The following PGAP4 variants were observed in gnomAD, a reference collection of about 807,000 sequenced individuals.
The protein encoded by PGAP4 is post-GPI attachment to proteins GalNAc transferase 4.
Under a neutral mutation model 28.2 loss-of-function variants are expected in PGAP4, and 12 were observed. The observed-to-expected ratio is 0.42, with a 90% CI of 0.27 to 0.69. PGAP4 has a LOEUF of 0.69. PGAP4 is among the 30% of genes least tolerant of loss of function. The pLI is 0.22. For missense variants in PGAP4, 425 were observed against 513.5 expected (o/e 0.83, Z 1.67); for synonymous variants, 205 against 211.8 (o/e 0.97, Z 0.28).
intron 1 of PGAP4, 125 bp from the exon 2 acceptor site, chr9:101,477,294 C>T (rs933281404): frequency 1.3e-5 from 8 of 600,438 alleles, no homozygotes; most frequent in African/African-American, 3.8e-5. Context: ...TAATAGGAGG[C>T]TCTGTAGCTT....
At chr9:101,502,773 A>G (rs1466412584) in intron 2 of PGAP4, among the ~76,000 whole-genome samples, 1 of 152,098 alleles carries the variant, frequency 6.6e-6, no homozygotes, top group African/African-American at 2.4e-5. Flanking sequence ...CCAGAAGAAC[A>G]TGAATCCTGG....
intron 2 of PGAP4, among the ~76,000 whole-genome samples, chr9:101,507,150 C>G (rs1826854995): frequency 6.6e-6 from 1 of 152,048 alleles, no homozygotes; most frequent in African/African-American, 2.4e-5. Context: ...CTATTCCTCT[C>G]AAGTGCTTGA....
intron 2 of PGAP4, among the ~76,000 whole-genome samples, chr9:101,518,515 G>A (rs924498810): frequency 6.6e-6 from 1 of 152,084 alleles, no homozygotes; most frequent in African/African-American, 2.4e-5. Flanking sequence ...ACATATCAGT[G>A]AGAATGTTCT....
At chr9:101,493,033 T>C (rs1588203775) in intron 2 of PGAP4, among the ~76,000 whole-genome samples, 1 of 151,894 alleles carries the variant, frequency 6.6e-6, no homozygotes, top group Non-Finnish European at 1.5e-5. Flanking sequence ...GGCGGGCGGA[T>C]CACGAGATCA....
At chr9:101,498,992 A>C (rs1027796129) in intron 2 of PGAP4, among the ~76,000 whole-genome samples, 1 of 152,004 alleles carries the variant, frequency 6.6e-6, no homozygotes, top group Non-Finnish European at 1.5e-5. Flanking sequence ...AGGTGTGCAG[A>C]TCAAATGAAA....
intron 2 of PGAP4, among the ~76,000 whole-genome samples, chr9:101,503,542 T>C (rs1198726793): frequency 6.6e-6 from 1 of 152,114 alleles, no homozygotes; most frequent in Non-Finnish European, 1.5e-5. Context: ...ATTATTGTTA[T>C]GCATAGATAA....
In PGAP4 at chr9:101,476,137, A is replaced by G. The variant is rs769913773; in HGVS notation, c.956T>C (p.Leu319Pro). Reference protein sequence around the residue: ...GRHYFLELRRLSPSLYSVVPA... With the variant: ...GRHYFLELRRPSPSLYSVVPA... ...AACCACACTGTACAGGGAAGGACTC[A>G]GCCGCCGCAGTTCCAGGAAATAGTG... Residue 319 changes from leucine to proline, a missense_variant, in exon 2 of 2, where the codon CTG (leucine) becomes CCG (proline). Transcript: ENST00000374848. The surrounding 1 kb of genome is among the most constrained non-coding windows in gnomAD (Gnocchi z 7.0). 6.2e-7 allele frequency: 1 copy of G among 1,614,092 alleles called. No homozygotes were observed.
intron 2 of PGAP4, among the ~76,000 whole-genome samples, chr9:101,509,190 C>A (rs1008317972): frequency 1.3e-5 from 2 of 152,124 alleles, no homozygotes; most frequent in African/African-American, 4.8e-5. Flanking sequence ...CTTTTGAAAG[C>A]TGAGATAGGT....
rs370517223 is a variant in PGAP4, at chr9:101,484,115, C to T, written c.-78+2834G>A. 8.5e-5 allele frequency among the ~76,000 whole-genome samples: 13 copies of T among 152,128 alleles called. No homozygotes were observed. The East Asian group carries it at 1.9e-3, about 23-fold the overall frequency. On this transcript the variant is annotated intron_variant, in intron 1 of 1. Transcript: ENST00000374848. ...ATCCTACTTCTAGGAATCTACTCTG[C>T]AGAAATGCCAACACATGCTACCAAA...
intron 2 of PGAP4, among the ~76,000 whole-genome samples, chr9:101,504,305 C>G (rs2118597792): frequency 7.1e-6 from 1 of 141,144 alleles, no homozygotes; most frequent in Non-Finnish European, 1.5e-5. Context: ...ACAAAAAAAC[C>G]ACTGTTCTGT....
chr9:101,484,125 A>C (rs2118548507), intron 1 of PGAP4, among the ~76,000 whole-genome samples: 1 of 152,316 alleles, frequency 6.6e-6, no homozygotes. Flanking sequence ...CAGAAATGCC[A>C]ACACATGCTA....
At chr9:101,494,633 T>C (rs1423875580) in intron 2 of PGAP4, among the ~76,000 whole-genome samples, 1 of 151,838 alleles carries the variant, frequency 6.6e-6, no homozygotes, top group Non-Finnish European at 1.5e-5. Context: ...ATTTAAAACT[T>C]ATCAGAAATC....
In PGAP4 at chr9:101,476,809, T is replaced by G; in HGVS notation, c.284A>C (p.Gln95Pro). 6.2e-7 allele frequency: 1 copy of G among 1,610,722 alleles called. No individual in the cohort carries two copies. The highest frequency in any genetic ancestry group is 8.5e-7 in the Non-Finnish European group (1 of 1,178,148). ...CACCAGCCAGGGCCGGGGGGTGGCC[T>G]GCCAGACAATGGGCACTGAGCCATT... The part of the protein sequence containing the change: ...SANGSVPIVW[Q>P]ATPRPWLVIT... The change falls in exon 2 of 2, where the codon CAG (glutamine) becomes CCG (proline). Residue 95 changes from glutamine to proline, a missense_variant. Coordinates refer to ENST00000374848, the MANE Select transcript of PGAP4 (RefSeq NM_032342.3). This position sits in a 1 kb window ranked among gnomAD's most constrained non-coding sequence, Gnocchi z 7.0.
intron 2 of PGAP4, among the ~76,000 whole-genome samples, chr9:101,514,070 G>A (rs1826922377): frequency 6.6e-6 from 1 of 151,808 alleles, no homozygotes; most frequent in African/African-American, 2.4e-5. Context: ...CCACATTGAA[G>A]GTGAATCTTC....
chr9:101,488,710 A>G (rs1826656875), upstream of PGAP4, among the ~76,000 whole-genome samples: 1 of 152,218 alleles, frequency 6.6e-6, no homozygotes, highest in South Asian at 2.1e-4. Context: ...AACTACTTAC[A>G]TTTTAATTAA....
chr9:101,506,741 C>A (rs569616262), intron 2 of PGAP4, among the ~76,000 whole-genome samples: 1 of 152,152 alleles, frequency 6.6e-6, no homozygotes, highest in African/African-American at 2.4e-5. Context: ...CCCCACTAAG[C>A]CTCTTCCCAA....
At chr9:101,493,439 C>T (rs770352881) in intron 2 of PGAP4, among the ~76,000 whole-genome samples, 56 of 152,018 alleles carry the variant, frequency 3.7e-4, no homozygotes, top group Non-Finnish European at 6.0e-4. Context: ...TTGATCATTA[C>T]GCATTCTATG....
chr9:101,495,945 C>T (rs572480041), intron 2 of PGAP4, among the ~76,000 whole-genome samples: 1 of 151,230 alleles, frequency 6.6e-6, no homozygotes, highest in African/African-American at 2.4e-5. Flanking sequence ...GAAATGGGTA[C>T]TTGAATTTAA....
intron 2 of PGAP4, among the ~76,000 whole-genome samples, chr9:101,516,586 T>G (rs1826945217): frequency 6.6e-6 from 1 of 152,186 alleles, no homozygotes; most frequent in Non-Finnish European, 1.5e-5. Flanking sequence ...ATGGTGCAAT[T>G]TAAATTAAAA....
Sources: gnomAD v4.1 joint callset for allele counts (sites outside exome capture counted in the v4.1 genomes callset) on GRCh38, gnomAD v4.1.1 for gene constraint, Gnocchi (gnomAD v3.1) non-coding constraint, MANE v1.5 for transcripts, NCBI Gene and HGNC (gene_info 2026-07-23, HGNC 2026-07-21) for gene names.